The following ASIC2 variants were observed in gnomAD, a reference collection of about 807,000 sequenced individuals.
ASIC2 encodes the protein acid-sensing ion channel 2.
Under a neutral mutation model 57.3 loss-of-function variants are expected in ASIC2, and 25 were observed. The observed-to-expected ratio is 0.44, with a 90% confidence interval of 0.32 to 0.61. The LOEUF is 0.61. Among genes scored for constraint, ASIC2 ranks in the 20% least tolerant of loss-of-function variants. The pLI, the probability that ASIC2 is intolerant of heterozygous loss-of-function variation, is 0.06. For synonymous variants in ASIC2, 319 were observed against 307.5 expected (o/e 1.04, Z -0.39); for missense variants, 641 against 738.1 (o/e 0.87, Z 1.52).
At chr17:34,045,384 A>G (rs1472805516) in intron 1 of ASIC2, among the ~76,000 whole-genome samples, 1 of 152,212 alleles carries the variant, frequency 6.6e-6, no homozygotes, top group Non-Finnish European at 1.5e-5. Flanking sequence ...AAAAGAAGAT[A>G]ATTAAAGCTG....
At chr17:33,498,408 C>T (rs553623303) in intron 1 of ASIC2, among the ~76,000 whole-genome samples, 7 of 152,288 alleles carry the variant, frequency 4.6e-5, no homozygotes, top group Admixed American at 2.6e-4. Flanking sequence ...CCAAAGAGCA[C>T]GGGAGTTTGG....
chr17:33,260,227 C>CCTGAATCCAGGACT (rs1909228958), intron 1 of ASIC2, among the ~76,000 whole-genome samples: 1 of 152,324 alleles, frequency 6.6e-6, no homozygotes, highest in African/African-American at 2.4e-5. Flanking sequence ...CCTCCTGGCC[C>CCTGAATCCAGGACT]CTGAATCCAG....
intron 1 of ASIC2, among the ~76,000 whole-genome samples, chr17:33,807,132 G>C (rs1912290749): frequency 6.6e-6 from 1 of 152,164 alleles, no homozygotes; most frequent in Admixed American, 6.5e-5. Flanking sequence ...CAATCAGCCA[G>C]TCATCTCCCC....
rs1844738 is a variant in ASIC2 at position 33,789,245 on chromosome 17, C to A, written c.555+366733G>T. Among the ~76,000 whole-genome samples the A allele has an allele frequency of 2.0e-5, 3 of 152,208 alleles. No homozygotes were observed. In the East Asian group the frequency reaches 5.8e-4, roughly 29 times the overall value. ...ATAAATTACCCAATCTCAGGTATTT[C>A]TTTATAGCATTGTGAGAATGGATTA... On this transcript the variant is annotated intron_variant, in intron 1 of 9. Transcript: ENST00000359872.
At chr17:33,681,052 C>G (rs1198133181) in intron 1 of ASIC2, among the ~76,000 whole-genome samples, 1 of 152,196 alleles carries the variant, frequency 6.6e-6, no homozygotes, top group African/African-American at 2.4e-5. Flanking sequence ...TTAGGTGAAG[C>G]TCAGTGGTCT....
intron 3 of ASIC2, among the ~76,000 whole-genome samples, chr17:33,073,964 C>T (rs1027832377): frequency 6.6e-6 from 1 of 152,046 alleles, no homozygotes; most frequent in African/African-American, 2.4e-5. Flanking sequence ...GGAGAGAGAA[C>T]AACAGAGAGA....
intron 1 of ASIC2, among the ~76,000 whole-genome samples, chr17:33,234,679 T>G (rs1319069928): frequency 6.6e-6 from 1 of 152,228 alleles, no homozygotes; most frequent in Non-Finnish European, 1.5e-5. Flanking sequence ...GAAGAGGGAC[T>G]GCTTCCCATT....
chr17:33,032,440 G>GTTTTTTTTTTTTTTTTTTTT (rs60183644), intron 3 of ASIC2, among the ~76,000 whole-genome samples: 2 of 94,118 alleles, frequency 2.1e-5, no homozygotes, highest in African/African-American at 9.4e-5. Flanking sequence ...ATAATACACT[G>GTTTTTTTTTTTTTTTTTTTT]TTTTTTTTTT....
At chr17:33,650,474 G>A (rs1234409924) in intron 1 of ASIC2, among the ~76,000 whole-genome samples, 1 of 152,092 alleles carries the variant, frequency 6.6e-6, no homozygotes, top group Non-Finnish European at 1.5e-5. Flanking sequence ...TTGCACCTCT[G>A]GGCATTTATC....
chr17:33,350,480 G>A (rs1217486450), intron 1 of ASIC2, among the ~76,000 whole-genome samples: 2 of 152,076 alleles, frequency 1.3e-5, no homozygotes, highest in Non-Finnish European at 2.9e-5. Flanking sequence ...AGGAGTTTGA[G>A]ACCAGCCTGG....
intron 1 of ASIC2, among the ~76,000 whole-genome samples, chr17:33,141,510 G>A (rs1446253441): frequency 6.6e-6 from 1 of 152,190 alleles, no homozygotes; most frequent in Non-Finnish European, 1.5e-5. Context: ...CAAGCACAGA[G>A]CAAACACTTG....
chr17:34,079,701 G>A (rs1334039739), intron 1 of ASIC2, among the ~76,000 whole-genome samples: 1 of 152,216 alleles, frequency 6.6e-6, no homozygotes, highest in East Asian at 1.9e-4. Flanking sequence ...AATGAGGTGA[G>A]TGAGCCACCC....
intron 6 of ASIC2, among the ~76,000 whole-genome samples, chr17:33,022,886 G>C (rs60275831): frequency 6.6e-6 from 1 of 152,190 alleles, no homozygotes; most frequent in African/African-American, 2.4e-5. Flanking sequence ...AATAACAGGA[G>C]AGCACCTCAT....
At chr17:33,241,460 A>G (rs1908505441) in intron 1 of ASIC2, among the ~76,000 whole-genome samples, 1 of 152,134 alleles carries the variant, frequency 6.6e-6, no homozygotes, top group Non-Finnish European at 1.5e-5. Flanking sequence ...TGTGCTGCCT[A>G]TGATTGCAGG....
At chr17:33,642,048 T>TA (rs1214876575) in intron 1 of ASIC2, among the ~76,000 whole-genome samples, 2 of 152,184 alleles carry the variant, frequency 1.3e-5, no homozygotes, top group African/African-American at 4.8e-5. Context: ...ACAGGACTAA[T>TA]ACATTCAGCT....
chr17:33,714,141 C>T (rs1221273395), intron 1 of ASIC2, among the ~76,000 whole-genome samples: 1 of 152,112 alleles, frequency 6.6e-6, no homozygotes, highest in Non-Finnish European at 1.5e-5. Flanking sequence ...CCCCACTCCC[C>T]ATGAGGTGAT....
Position 33,774,664 on chromosome 17 carries a change from A to T in ASIC2, c.555+381314T>A, listed in dbSNP as rs187882704. 1.1e-4 allele frequency among the ~76,000 whole-genome samples: 17 copies of T among 152,300 alleles called. No homozygotes were observed. In the East Asian group the frequency reaches 3.3e-3, roughly 29 times the overall value. ...GACCAAAATTGTATGACATAGCAAC[A>T]CCTTGTTAAATGGGAGTTTGGAGAC... On this transcript the variant is annotated intron_variant, in intron 1 of 9. Transcript: ENST00000359872.
intron 1 of ASIC2, among the ~76,000 whole-genome samples, chr17:33,404,078 T>C (rs369447132): frequency 2.3e-4 from 35 of 152,316 alleles, no homozygotes; most frequent in African/African-American, 8.4e-4. Flanking sequence ...ATATTCGTGT[T>C]TAAAAGACCT....
intron 1 of ASIC2, among the ~76,000 whole-genome samples, chr17:33,761,836 CT>C (rs34948462): frequency 0.48 from 65,768 of 137,298 alleles, 15,870 homozygotes; most frequent in East Asian, 0.61. Context: ...AGCGCAAGGG[CT>C]TTTTTTTTTT....
Sources: gnomAD v4.1 joint callset for allele counts (sites outside exome capture counted in the v4.1 genomes callset) on GRCh38, gnomAD v4.1.1 for gene constraint, MANE v1.5 for transcripts, NCBI Gene and HGNC (gene_info 2026-07-23, HGNC 2026-07-21) for gene names.